Variants in CLYBL observed in about 807,000 individuals in gnomAD.
CLYBL encodes the protein citramalyl-CoA lyase, mitochondrial.
Under a neutral mutation model 38.9 loss-of-function variants are expected in CLYBL, and 31 were observed. That is an observed-to-expected ratio of 0.80 (90% CI 0.60 to 1.08). The LOEUF is 1.08. Among genes scored for constraint, CLYBL ranks in the 50% least tolerant of loss-of-function variants. CLYBL has a pLI of 0.00. For missense variants in CLYBL, 434 were observed against 411.6 expected (o/e 1.05, Z -0.47); for synonymous variants, 171 against 158.6 (o/e 1.08, Z -0.59).
intron 2 of CLYBL, among the ~76,000 whole-genome samples, chr13:99,796,815 G>A (rs2050030868): frequency 6.6e-6 from 1 of 152,160 alleles, no homozygotes. Context: ...ACACAGTAGT[G>A]TAGACTGGTT....
At chr13:99,799,710 C>G (rs2050093531) in intron 2 of CLYBL, among the ~76,000 whole-genome samples, 1 of 152,208 alleles carries the variant, frequency 6.6e-6, no homozygotes, top group South Asian at 2.1e-4. Flanking sequence ...GGCAGATAAT[C>G]ACATGGGGAT....
intron 3 of CLYBL, among the ~76,000 whole-genome samples, 175 bp from the exon 4 acceptor site, chr13:99,862,816 A>T (rs1335158859): frequency 6.6e-6 from 1 of 152,152 alleles, no homozygotes; most frequent in Admixed American, 6.5e-5. Flanking sequence ...TGGGAACTTC[A>T]TTACCTTTTT....
intron 1 of CLYBL, among the ~76,000 whole-genome samples, chr13:99,741,207 C>T (rs1008941725): frequency 2.0e-5 from 3 of 152,192 alleles, no homozygotes; most frequent in African/African-American, 7.2e-5. Flanking sequence ...AAAACAGATA[C>T]TTCAGTGGCA....
At chr13:99,727,741 C>CT (rs534373433) in intron 1 of CLYBL, among the ~76,000 whole-genome samples, 38 of 151,852 alleles carry the variant, frequency 2.5e-4, no homozygotes, top group Non-Finnish European at 4.7e-4. Context: ...ATTGTCCTGT[C>CT]TATCTCAGGA....
intron 1 of CLYBL, among the ~76,000 whole-genome samples, chr13:99,678,245 A>G (rs1256893241): frequency 6.6e-6 from 1 of 152,226 alleles, no homozygotes; most frequent in Non-Finnish European, 1.5e-5. Flanking sequence ...GCACTGCGGC[A>G]GAGTTGTGTT....
intron 1 of CLYBL, among the ~76,000 whole-genome samples, chr13:99,677,945 T>C (rs1351802337): frequency 6.6e-6 from 1 of 152,216 alleles, no homozygotes; most frequent in Non-Finnish European, 1.5e-5. Context: ...ATAAAAGATA[T>C]TGAATGTATT....
At chr13:99,618,707 C>T (rs1325542392) in intron 1 of CLYBL, among the ~76,000 whole-genome samples, 1 of 152,180 alleles carries the variant, frequency 6.6e-6, no homozygotes, top group Non-Finnish European at 1.5e-5. Context: ...CACTAACTCC[C>T]TGTTCCCTTC....
intron 9 of CLYBL, among the ~76,000 whole-genome samples, chr13:99,906,284 C>T (rs540144593): frequency 6.6e-6 from 1 of 152,202 alleles, no homozygotes; most frequent in African/African-American, 2.4e-5. Context: ...CTAAAATGGA[C>T]ATTTAAAAGT....
intron 1 of CLYBL, among the ~76,000 whole-genome samples, chr13:99,770,613 G>A (rs866544474): frequency 1.3e-5 from 2 of 151,852 alleles, no homozygotes; most frequent in Admixed American, 6.6e-5. Flanking sequence ...CACCGCGCCC[G>A]GTCTGGTCTC....
At chr13:99,684,731 G>C (rs1418933834) in intron 1 of CLYBL, among the ~76,000 whole-genome samples, 4 of 152,164 alleles carry the variant, frequency 2.6e-5, no homozygotes, top group African/African-American at 9.7e-5. Context: ...ATGATCCCCT[G>C]TGAAATAATA....
intron 1 of CLYBL, among the ~76,000 whole-genome samples, chr13:99,623,016 G>T (rs2763946): frequency 0.39 from 58,527 of 151,980 alleles, 11,572 homozygotes; most frequent in Middle Eastern, 0.42. Context: ...AAATTTATTT[G>T]TCAGTTGATG....
chr13:99,752,235 G>T (rs144064136), intron 1 of CLYBL, among the ~76,000 whole-genome samples: 1 of 152,258 alleles, frequency 6.6e-6, no homozygotes, highest in East Asian at 1.9e-4. Flanking sequence ...GCCCTCTGAG[G>T]ACAGAGGCTA....
At chr13:99,653,704 C>T (rs1394131569) in intron 1 of CLYBL, among the ~76,000 whole-genome samples, 1 of 151,966 alleles carries the variant, frequency 6.6e-6, no homozygotes, top group African/African-American at 2.4e-5. Flanking sequence ...TATTAACCTT[C>T]TCCTCCACTT....
At chr13:99,765,548 C>A (rs2049252159) in intron 1 of CLYBL, among the ~76,000 whole-genome samples, 1 of 151,894 alleles carries the variant, frequency 6.6e-6, no homozygotes. Flanking sequence ...CTCAATAATT[C>A]TTAAATTTTG....
At chr13:99,649,169 A>G (rs1054414325) in intron 1 of CLYBL, among the ~76,000 whole-genome samples, 1 of 152,140 alleles carries the variant, frequency 6.6e-6, no homozygotes, top group Non-Finnish European at 1.5e-5. Flanking sequence ...CCCAGCACAG[A>G]TGCTGCACAG....
intron 1 of CLYBL, among the ~76,000 whole-genome samples, chr13:99,679,167 G>A (rs1290987838): frequency 6.6e-6 from 1 of 151,782 alleles, no homozygotes; most frequent in Non-Finnish European, 1.5e-5. Context: ...GGTGGCGGGC[G>A]CCTGTGGTCC....
At chr13:99,779,127 G>A (rs2049584541) in intron 2 of CLYBL, among the ~76,000 whole-genome samples, 2 of 151,886 alleles carry the variant, frequency 1.3e-5, no homozygotes, top group Non-Finnish European at 2.9e-5. Context: ...TAATCATTTG[G>A]TTCTGAGTGG....
chr13:99,733,974 C>T (rs2048629814), intron 1 of CLYBL, among the ~76,000 whole-genome samples: 1 of 152,190 alleles, frequency 6.6e-6, no homozygotes, highest in South Asian at 2.1e-4. Context: ...ATGTGCTCGA[C>T]TTTTATTTTG....
intron 1 of CLYBL, among the ~76,000 whole-genome samples, chr13:99,646,965 T>G (rs1481257556): frequency 2.6e-5 from 4 of 152,066 alleles, no homozygotes; most frequent in Non-Finnish European, 2.9e-5. Context: ...GGGAGAGAGG[T>G]GGGCAGGGCC....
Sources: gnomAD v4.1 joint callset for allele counts (sites outside exome capture counted in the v4.1 genomes callset) on GRCh38, gnomAD v4.1.1 for gene constraint, MANE v1.5 for transcripts, NCBI Gene and HGNC (gene_info 2026-07-23, HGNC 2026-07-21) for gene names.